NPTN: variants seen among roughly 807,000 people sequenced by gnomAD.
The protein encoded by NPTN is neuroplastin.
NPTN carries 5 observed loss-of-function variants against 42.7 expected under a neutral mutation model. The ratio of observed to expected loss-of-function variants is 0.12; its 90% CI spans 0.06 to 0.25. The LOEUF (loss-of-function observed/expected upper bound fraction) is 0.25, where lower values mean the gene tolerates loss of function less well. Ranked by LOEUF, NPTN falls within the 10% of genes least tolerant of loss-of-function variation. NPTN has a pLI of 1.00. For synonymous variants in NPTN, 180 were observed against 201.9 expected, an observed-to-expected ratio of 0.89 and a Z score of 0.92; for missense variants, 307 against 525.4, an observed-to-expected ratio of 0.58 and a Z score of 4.06.
At chr15:73,604,829 T>A (rs1281583434) in intron 1 of NPTN, among the ~76,000 whole-genome samples, 2 of 152,150 alleles carry the variant, frequency 1.3e-5, no homozygotes, top group Non-Finnish European at 2.9e-5. Context: ...CTCTATTAGG[T>A]AAAGAATGAT....
At position 73,569,133 on chromosome 15, in the gene NPTN, A is replaced by C; in HGVS notation, c.1114+1017T>G. On this transcript the variant is annotated intron_variant, in intron 6 of 8. Coordinates refer to ENST00000345330, the MANE Select transcript of NPTN (RefSeq NM_012428.4). This position sits in a 1 kb window ranked among gnomAD's most constrained non-coding sequence, Gnocchi z 4.1. ...AGGCTACCACTGAGCCCAGGGGCAC[A>C]CCCATCTGTCTAGTCTAGCCAGGGA... is the stretch of plus-strand genomic sequence containing the variant. 3 of 985,482 alleles carry C rather than the reference A, an allele frequency of 3.0e-6. No individual in the cohort carries two copies. Among genetic ancestry groups the C allele is most frequent in the Non-Finnish European group, 3.6e-6 (3 of 830,022 alleles). 61.0% of individuals were successfully genotyped at this position (985,482 alleles called of 1,614,324 possible).
chr15:73,594,239 G>A (rs1896728943), intron 2 of NPTN, among the ~76,000 whole-genome samples: 1 of 152,180 alleles, frequency 6.6e-6, no homozygotes. Flanking sequence ...TAAACTCTGA[G>A]AATGAGGCCA....
intron 1 of NPTN, among the ~76,000 whole-genome samples, chr15:73,610,397 C>T (rs548694671): frequency 6.6e-6 from 1 of 152,304 alleles, no homozygotes; most frequent in Non-Finnish European, 1.5e-5. Flanking sequence ...TACTGGCCTA[C>T]TTTTTACTTC....
rs137919511 is a variant in NPTN, at chr15:73,620,655, T to C, written c.91+12470A>G. Among the ~76,000 whole-genome samples the C allele has an allele frequency of 2.8e-3, 426 of 152,348 alleles. 2 individuals carry two copies. The highest frequency in any genetic ancestry group is 9.8e-3 in the African/African-American group (407 of 41,582). On this transcript the variant is annotated intron_variant, in intron 1 of 8. Transcript: ENST00000345330. The stretch of plus-strand genomic sequence containing the variant: ...GTTTTAAATATAACACAAAGTATTC[T>C]TGCATGATTTTAATCATCACTTAAT...
In NPTN at chr15:73,568,846, C is replaced by T. The variant is rs371325299; in HGVS notation, c.1114+1304G>A. On this transcript the variant is annotated intron_variant, in intron 6 of 8. Transcript: ENST00000345330. ...CCTCACCAGCCACTCACTCTACTTA[C>T]TGCAGGCAGAGAGATTTATAACTGC... 170 of 985,586 alleles carry T rather than the reference C, an allele frequency of 1.7e-4. 1 individual carries two copies. In the South Asian group the frequency reaches 4.2e-3, roughly 25 times the overall value. 61.1% of individuals were successfully genotyped at this position (985,586 alleles called of 1,614,324 possible).
rs776190748 is a variant in NPTN at position 73,597,249 on chromosome 15, C to T, written c.212G>A (p.Arg71Gln). 1.1e-5 allele frequency: 18 copies of T among 1,613,948 alleles called. No homozygotes were observed. Among genetic ancestry groups the T allele is most frequent in the South Asian group, 3.3e-5 (3 of 91,084 alleles). Residue 71 changes from arginine (R) to glutamine (Q), a missense_variant, in exon 2 of 9, where the codon CGG becomes CAG. Coordinates refer to ENST00000345330, the MANE Select transcript of NPTN (RefSeq NM_012428.4). The surrounding 1 kb of genome is among the most constrained non-coding windows in gnomAD (Gnocchi z 6.3). Reference protein sequence around the residue: ...EIQWWYAEVNRAESFRQLWDG... With the variant: ...EIQWWYAEVNQAESFRQLWDG... ...CCACAGCTGTCTGAAAGACTCTGCCCGGTTGACTTCTGCGTACCACCACTG... is the reference window on the plus strand; with the variant it reads ...CCACAGCTGTCTGAAAGACTCTGCCTGGTTGACTTCTGCGTACCACCACTG...
intron 1 of NPTN, among the ~76,000 whole-genome samples, chr15:73,599,761 TTC>T (rs1469040123): frequency 6.6e-6 from 1 of 152,182 alleles, no homozygotes; most frequent in Non-Finnish European, 1.5e-5. Context: ...AAAAGTATTA[TTC>T]TGTTTTAATC....
Position 73,597,138 on chromosome 15 carries a change from A to G in NPTN, c.323T>C (p.Leu108Ser). 1 of 1,614,178 alleles carries G rather than the reference A, an allele frequency of 6.2e-7. No homozygotes were observed. The highest frequency in any genetic ancestry group is 8.5e-7 in the Non-Finnish European group (1 of 1,180,028). ...GCACTCGTAAGTCCCAGAGTCCTCC[A>G]AGGTGAGCCGGGTTATTCTCAGCAC... is the stretch of plus-strand genomic sequence containing the variant. ...VSVLRITRLTLEDSGTYECRA... is the reference protein window; with the variant it reads ...VSVLRITRLTSEDSGTYECRA... Residue 108 changes from leucine to serine, a missense_variant, in exon 2 of 9, where the codon TTG becomes TCG. Physicochemically the swap from Leu to Ser is moderately radical, Grantham distance 145 (BLOSUM62 -2). Coordinates refer to ENST00000345330, the MANE Select transcript of NPTN (RefSeq NM_012428.4). This position sits in a 1 kb window ranked among gnomAD's most constrained non-coding sequence, Gnocchi z 6.3.
At chr15:73,617,086 ATC>A (rs1263449893) in intron 1 of NPTN, among the ~76,000 whole-genome samples, 2 of 152,208 alleles carry the variant, frequency 1.3e-5, no homozygotes, top group Admixed American at 6.5e-5. Context: ...AAATGAAAAT[ATC>A]TGTCACTCCA....
chr15:73,578,004 G>C (rs565725520), intron 4 of NPTN, among the ~76,000 whole-genome samples: 1 of 152,170 alleles, frequency 6.6e-6, no homozygotes, highest in Non-Finnish European at 1.5e-5. Flanking sequence ...ATATCTGTAG[G>C]AAGAACACTC....
intron 1 of NPTN, 93 bp downstream of exon 1, chr15:73,633,032 C>G: frequency 1.1e-6 from 1 of 926,482 alleles, no homozygotes; most frequent in Non-Finnish European, 1.5e-6. Flanking sequence ...CCCCCTTCCC[C>G]GAGCTCCAGC....
chr15:73,575,995 C>T (rs79542458), intron 4 of NPTN, among the ~76,000 whole-genome samples: 1,553 of 152,340 alleles, frequency 0.01, 31 homozygotes, highest in African/African-American at 0.036. Flanking sequence ...CTCATTCCCA[C>T]AAAGCCGAAC....
At chr15:73,564,941 A>C (rs771470598) in intron 6 of NPTN, among the ~76,000 whole-genome samples, 1 of 152,206 alleles carries the variant, frequency 6.6e-6, no homozygotes, top group African/African-American at 2.4e-5. Flanking sequence ...GAATCGCAAT[A>C]GCCAGGCTAA....
At chr15:73,605,689 T>C (rs1897270948) in intron 1 of NPTN, among the ~76,000 whole-genome samples, 1 of 148,428 alleles carries the variant, frequency 6.7e-6, no homozygotes, top group Admixed American at 6.8e-5. Flanking sequence ...ATCGCACCAC[T>C]GCACTCCAGC....
chr15:73,604,153 A>G (rs912232660), intron 1 of NPTN, among the ~76,000 whole-genome samples: 1 of 152,218 alleles, frequency 6.6e-6, no homozygotes, highest in Non-Finnish European at 1.5e-5. Context: ...AATGACAAAA[A>G]AGAAAAAAAT....
At chr15:73,578,382 C>T (rs1319154265) in intron 4 of NPTN, among the ~76,000 whole-genome samples, 1 of 151,882 alleles carries the variant, frequency 6.6e-6, no homozygotes, top group African/African-American at 2.4e-5. Flanking sequence ...TCCATGGGGG[C>T]AGTAACAGTG....
At chr15:73,571,151 G>GGT (rs1349925715) in intron 5 of NPTN, among the ~76,000 whole-genome samples, 1 of 152,144 alleles carries the variant, frequency 6.6e-6, no homozygotes, top group African/African-American at 2.4e-5. Context: ...TGAGCATAGT[G>GGT]GTGTACACCT....
intron 1 of NPTN, among the ~76,000 whole-genome samples, chr15:73,611,760 G>A (rs1478640180): frequency 1.3e-5 from 2 of 152,130 alleles, no homozygotes; most frequent in Admixed American, 1.3e-4. Flanking sequence ...TGATCTTTGA[G>A]TGATGATGTG....
Position 73,609,568 on chromosome 15 carries a change from T to G in NPTN, c.92-12199A>C, listed in dbSNP as rs1235952683. On this transcript the variant is annotated intron_variant, in intron 1 of 8. Transcript: ENST00000345330. ...ATCGCTTGAACCCAGGAGATGGAGG[T>G]TGCAGTGAGCCGAGACGGCGCCATT... Among the ~76,000 whole-genome samples, 4 of 152,154 alleles carry G rather than the reference T, an allele frequency of 2.6e-5. No homozygotes were observed. The East Asian group carries it at 7.7e-4, about 29-fold the overall frequency.
Sources: gnomAD v4.1 joint callset for allele counts (sites outside exome capture counted in the v4.1 genomes callset) on GRCh38, gnomAD v4.1.1 for gene constraint, Gnocchi (gnomAD v3.1) non-coding constraint, MANE v1.5 for transcripts, NCBI Gene and HGNC (gene_info 2026-07-23, HGNC 2026-07-21) for gene names.